CACNA2D2: variants seen among roughly 807,000 people sequenced by gnomAD.
CACNA2D2 encodes calcium voltage-gated channel auxiliary subunit alpha2delta 2.
CACNA2D2 carries 48 observed loss-of-function variants against 166.4 expected under a neutral mutation model. The observed-to-expected ratio is 0.29, with a 90% CI of 0.23 to 0.37. CACNA2D2 has a LOEUF of 0.37. Among genes scored for constraint, CACNA2D2 ranks in the 10% least tolerant of loss-of-function variants. The probability of loss-of-function intolerance (pLI) is 1.00; values close to 1 mark genes in which losing one functional copy is unlikely to be tolerated. For missense variants in CACNA2D2, 1,122 were observed against 1,433.0 expected (o/e 0.78, Z 3.50); for synonymous variants, 561 against 573.7 (o/e 0.98, Z 0.32).
Position 50,366,032 on chromosome 3 carries a change from A to G in CACNA2D2, c.2841T>C (p.Ala947=), listed in dbSNP as rs373171224. ...CAPQPPGNLG[A]APRGVFVPTV... ...TCACCACAAAGACACCCCGGGGTGCAGCACCCAGGTTGCCAGGGGGCTGAG... is the reference window on the plus strand; with the variant it reads ...TCACCACAAAGACACCCCGGGGTGCGGCACCCAGGTTGCCAGGGGGCTGAG... The change falls in exon 32 of 38, where the codon GCT becomes GCC. Residue 947 remains alanine (A), a synonymous_variant. Coordinates refer to ENST00000424201, the MANE Select transcript of CACNA2D2 (RefSeq NM_006030.4). This position sits in a 1 kb window ranked among gnomAD's most constrained non-coding sequence, Gnocchi z 5.9. The G allele has an allele frequency of 3.7e-5, 59 of 1,612,946 alleles. No individual in the cohort carries two copies. Among genetic ancestry groups the G allele is most frequent in the Non-Finnish European group, 4.7e-5 (56 of 1,179,782 alleles).
rs1710093671 is a variant in CACNA2D2 at position 50,471,507 on chromosome 3, C to CA, written c.288+4610dup. Reference sequence around the variant, plus strand: ...TCTGAGGTTCCCTGGCACTTGTGGGCACTGCTAATCCCACTCTGGATGCCC... The same window carrying CA: ...TCTGAGGTTCCCTGGCACTTGTGGGCAACTGCTAATCCCACTCTGGATGCCC... On this transcript the variant is annotated intron_variant, in intron 2 of 37. Coordinates refer to ENST00000424201, the MANE Select transcript of CACNA2D2 (RefSeq NM_006030.4). Among the ~76,000 whole-genome samples, 4 of 152,298 alleles carry CA rather than the reference C, an allele frequency of 2.6e-5. No homozygotes were observed. The South Asian group carries it at 6.2e-4, about 24-fold the overall frequency.
rs752359300 is a variant in CACNA2D2, at chr3:50,379,692, C to G, written c.993+33G>C. 6.2e-7 allele frequency: 1 copy of G among 1,609,110 alleles called. No individual in the cohort carries two copies. Among genetic ancestry groups the G allele is most frequent in the East Asian group, 2.2e-5 (1 of 44,842 alleles). On this transcript the variant is annotated intron_variant, in intron 10 of 37. Coordinates refer to ENST00000424201, the MANE Select transcript of CACNA2D2 (RefSeq NM_006030.4). The surrounding 1 kb of genome is among the most constrained non-coding windows in gnomAD (Gnocchi z 6.5). ...ACAGGAGCAGGGCAGATGGGGTGACCCATTTCACCCCGTCTGCCACCTTGG... is the reference window on the plus strand; with the variant it reads ...ACAGGAGCAGGGCAGATGGGGTGACGCATTTCACCCCGTCTGCCACCTTGG...
intron 1 of CACNA2D2, among the ~76,000 whole-genome samples, chr3:50,502,199 CG>C (rs1387026595): frequency 3.3e-5 from 5 of 152,120 alleles, no homozygotes; most frequent in African/African-American, 7.2e-5. Flanking sequence ...ACCAGCAGCC[CG>C]ACGACTCATG....
intron 2 of CACNA2D2, among the ~76,000 whole-genome samples, chr3:50,451,689 G>T (rs1709111900): frequency 6.6e-6 from 1 of 152,130 alleles, no homozygotes; most frequent in Admixed American, 6.5e-5. Context: ...TGGCTGCCAG[G>T]GGCCTGTCCA....
intron 1 of CACNA2D2, among the ~76,000 whole-genome samples, chr3:50,493,918 G>A (rs1213380543): frequency 2.0e-5 from 3 of 152,230 alleles, no homozygotes; most frequent in African/African-American, 7.2e-5. Flanking sequence ...GAGGTGCGGA[G>A]GCCAGAGCTC....
intron 1 of CACNA2D2, among the ~76,000 whole-genome samples, chr3:50,479,426 C>G (rs146457467): frequency 6.6e-6 from 1 of 152,384 alleles, no homozygotes; most frequent in East Asian, 1.9e-4. Context: ...TCACTTAAAT[C>G]AAACTCAATT....
At chr3:50,468,230 G>A (rs1460120383) in intron 2 of CACNA2D2, among the ~76,000 whole-genome samples, 4 of 152,202 alleles carry the variant, frequency 2.6e-5, no homozygotes, top group Non-Finnish European at 5.9e-5. Context: ...CCTTTTCAGA[G>A]ATGGATGCAT....
intron 2 of CACNA2D2, among the ~76,000 whole-genome samples, chr3:50,458,320 C>A (rs1277419046): frequency 6.6e-6 from 1 of 152,182 alleles, no homozygotes; most frequent in Non-Finnish European, 1.5e-5. Context: ...CTGCACCTTC[C>A]CCGAGTCCCA....
Position 50,375,892 on chromosome 3 carries a change from A to G in CACNA2D2, c.1774-12T>C, listed in dbSNP as rs1704953324. On this transcript the variant is annotated splice_polypyrimidine_tract_variant and intron_variant, in intron 19 of 37. Coordinates refer to ENST00000424201, the MANE Select transcript of CACNA2D2 (RefSeq NM_006030.4). The surrounding 1 kb of genome is among the most constrained non-coding windows in gnomAD (Gnocchi z 4.0). ...ATGCTCCGACGGATCTGGAAGGGCC[A>G]GAGATGTGAGGGGCAGGGCCCCTAC... 1 of 1,612,758 alleles carries G rather than the reference A, an allele frequency of 6.2e-7. No individual in the cohort carries two copies. Among genetic ancestry groups the G allele is most frequent in the African/African-American group, 1.3e-5 (1 of 74,860 alleles).
intron 4 of CACNA2D2, among the ~76,000 whole-genome samples, chr3:50,389,511 A>C (rs1013649155): frequency 1.3e-5 from 2 of 152,182 alleles, no homozygotes; most frequent in African/African-American, 4.8e-5. Context: ...CAAGCATGGG[A>C]AAGGACACAG....
intron 1 of CACNA2D2, among the ~76,000 whole-genome samples, chr3:50,496,809 T>A (rs1185947228): frequency 6.6e-6 from 1 of 152,140 alleles, no homozygotes; most frequent in East Asian, 1.9e-4. Flanking sequence ...AGAGTCTCAG[T>A]GCACACGAAG....
intron 2 of CACNA2D2, among the ~76,000 whole-genome samples, chr3:50,436,926 GC>G (rs1342782912): frequency 6.6e-6 from 1 of 152,196 alleles, no homozygotes; most frequent in Non-Finnish European, 1.5e-5. Flanking sequence ...CTTAGCCTCA[GC>G]CCCAGAGGTG....
intron 2 of CACNA2D2, among the ~76,000 whole-genome samples, chr3:50,443,844 G>C (rs749442743): frequency 6.6e-6 from 1 of 152,234 alleles, no homozygotes; most frequent in Non-Finnish European, 1.5e-5. Flanking sequence ...GAAGGGCTCT[G>C]GGAGCCAGGG....
intron 1 of CACNA2D2, 50 bp downstream of exon 1, chr3:50,503,168 G>C (rs1337524719): frequency 1.8e-6 from 2 of 1,104,494 alleles, no homozygotes; most frequent in Non-Finnish European, 2.2e-6. Flanking sequence ...CGGGGGCAGA[G>C]CGGGGCGCAA....
Position 50,368,215 on chromosome 3 carries a change from T to C in CACNA2D2, c.2066A>G (p.Asn689Ser), listed in dbSNP as rs754870820. 6.2e-6 allele frequency: 10 copies of C among 1,612,974 alleles called. No individual in the cohort carries two copies. Among genetic ancestry groups the C allele is most frequent in the Non-Finnish European group, 7.6e-6 (9 of 1,179,074 alleles). Residue 689 changes from asparagine to serine, a missense_variant, in exon 24 of 38, where the codon AAT becomes AGT. Transcript: ENST00000424201. ...GAACTCGGTGTTGTTGTCTGAGGCATTCAGGTCCTTGCAGTACTCTCTAGG... is the reference window on the plus strand; with the variant it reads ...GAACTCGGTGTTGTTGTCTGAGGCACTCAGGTCCTTGCAGTACTCTCTAGG... The part of the protein sequence containing the change: ...IAPREYCKDL[N>S]ASDNNTEFLK...
chr3:50,474,672 T>C (rs1710232781), intron 2 of CACNA2D2, among the ~76,000 whole-genome samples: 1 of 152,234 alleles, frequency 6.6e-6, no homozygotes, highest in African/African-American at 2.4e-5. Context: ...GTATAGCTTA[T>C]GTCCCGATAT....
At chr3:50,461,225 A>C (rs1226630559) in intron 2 of CACNA2D2, among the ~76,000 whole-genome samples, 4 of 152,250 alleles carry the variant, frequency 2.6e-5, no homozygotes, top group Non-Finnish European at 5.9e-5. Context: ...GGTCATGTAC[A>C]ATGGATCGGG....
At position 50,421,904 on chromosome 3, in the gene CACNA2D2, C is replaced by A. The variant is rs568757388; in HGVS notation, c.405+12409G>T. ...ATGCACCCCACCAGTTCACTGGCTG[C>A]CTCCTGGGGAGGTGTCGGCAGACAT... On this transcript the variant is annotated intron_variant, in intron 3 of 37. Transcript: ENST00000424201. 2.0e-5 allele frequency among the ~76,000 whole-genome samples: 3 copies of A among 152,230 alleles called. No homozygotes were observed. The East Asian group carries it at 5.8e-4, about 30-fold the overall frequency.
chr3:50,369,620 C>T (rs928041228), intron 23 of CACNA2D2, among the ~76,000 whole-genome samples: 1 of 152,266 alleles, frequency 6.6e-6, no homozygotes, highest in African/African-American at 2.4e-5. Flanking sequence ...CACCTGCCCT[C>T]ATCCCAAGCC....
Sources: gnomAD v4.1 joint callset for allele counts (sites outside exome capture counted in the v4.1 genomes callset) on GRCh38, gnomAD v4.1.1 for gene constraint, Gnocchi (gnomAD v3.1) non-coding constraint, MANE v1.5 for transcripts, NCBI Gene and HGNC (gene_info 2026-07-23, HGNC 2026-07-21) for gene names.